IQGAP2: variants seen among roughly 807,000 people sequenced by gnomAD.
The protein encoded by IQGAP2 is ras GTPase-activating-like protein IQGAP2.
In IQGAP2, 173 loss-of-function variants were observed where a neutral mutation model predicts 201.3. That is an observed-to-expected ratio of 0.86 (90% confidence interval 0.76 to 0.98). The LOEUF is 0.98. Among genes scored for constraint, IQGAP2 ranks in the 50% least tolerant of loss-of-function variants. IQGAP2 has a pLI of 0.00. For synonymous variants in IQGAP2, 675 were observed against 673.9 expected, an observed-to-expected ratio of 1.00 and a Z score of -0.03; for missense variants, 1,687 against 1,864.8, an observed-to-expected ratio of 0.90 and a Z score of 1.76.
intron 3 of IQGAP2, among the ~76,000 whole-genome samples, chr5:76,567,166 C>T (rs1464512546): frequency 6.6e-6 from 1 of 152,190 alleles, no homozygotes; most frequent in East Asian, 1.9e-4. Context: ...TCTAGCTTCG[C>T]CATTAACTTT....
At chr5:76,633,858 G>C (rs1750900861) in intron 15 of IQGAP2, among the ~76,000 whole-genome samples, 1 of 152,084 alleles carries the variant, frequency 6.6e-6, no homozygotes, top group Non-Finnish European at 1.5e-5. Flanking sequence ...GCATTAGTCA[G>C]TTCGTCCTTT....
rs34251090 is a variant in IQGAP2 at position 76,626,270 on chromosome 5, C to CTTTTTTTTTTTTTTTTTTTT, written c.1522-1121_1522-1120insTTTTTTTTTTTTTTTTTTTT. ...TTCTTTTTCTTTTTTTTCTTCTTTTCTTTTTTTTTTTTTTTTTTTGTGAGA... is the reference window on the plus strand; with the variant it reads ...TTCTTTTTCTTTTTTTTCTTCTTTTCTTTTTTTTTTTTTTTTTTTTTTTTTTTTTTTTTTTTTTTGTGAGA... On this transcript the variant is annotated intron_variant, in intron 13 of 35. Transcript: ENST00000274364. 7.2e-3 allele frequency among the ~76,000 whole-genome samples: 604 copies of CTTTTTTTTTTTTTTTTTTTT among 83,640 alleles called. 10 individuals are homozygous for CTTTTTTTTTTTTTTTTTTTT. The highest frequency in any genetic ancestry group is 7.8e-3 in the Non-Finnish European group (373 of 47,980). The allele number at this position is 83,640 out of a possible 152,430, so 54.9% of individuals were successfully genotyped here.
chr5:76,552,591 C>G (rs1361858687), intron 2 of IQGAP2, among the ~76,000 whole-genome samples: 1 of 152,210 alleles, frequency 6.6e-6, no homozygotes, highest in Non-Finnish European at 1.5e-5. Flanking sequence ...CTACCTTCCA[C>G]AAAACACAAA....
intron 2 of IQGAP2, among the ~76,000 whole-genome samples, chr5:76,490,356 A>G (rs949902411): frequency 6.6e-6 from 1 of 152,190 alleles, no homozygotes; most frequent in Non-Finnish European, 1.5e-5. Flanking sequence ...GGATAACTTC[A>G]TATCTGGATT....
chr5:76,462,057 C>T (rs1754488140), intron 2 of IQGAP2, among the ~76,000 whole-genome samples: 1 of 152,156 alleles, frequency 6.6e-6, no homozygotes, highest in Non-Finnish European at 1.5e-5. Flanking sequence ...AAGTTGATGC[C>T]ACAGCCAAAG....
At chr5:76,588,254 T>C (rs1399521688) in intron 5 of IQGAP2, among the ~76,000 whole-genome samples, 1 of 152,190 alleles carries the variant, frequency 6.6e-6, no homozygotes, top group Non-Finnish European at 1.5e-5. Context: ...ACATATATTT[T>C]TTATAGAATT....
chr5:76,671,384 T>C (rs1744304354), intron 23 of IQGAP2, among the ~76,000 whole-genome samples: 1 of 151,972 alleles, frequency 6.6e-6, no homozygotes, highest in African/African-American at 2.4e-5. Flanking sequence ...GAGAATACAT[T>C]GTTTAAAACT....
At chr5:76,576,107 C>T (rs1434874425) in intron 5 of IQGAP2, among the ~76,000 whole-genome samples, 1 of 152,066 alleles carries the variant, frequency 6.6e-6, no homozygotes, top group African/African-American at 2.4e-5. Context: ...ACCTAGTTTA[C>T]AAATATAATG....
intron 2 of IQGAP2, among the ~76,000 whole-genome samples, chr5:76,549,629 G>C (rs1194866215): frequency 6.6e-6 from 1 of 152,070 alleles, no homozygotes; most frequent in African/African-American, 2.4e-5. Context: ...TTTGGAGGCT[G>C]GAAATCCAAG....
At chr5:76,517,011 G>C (rs1029793032) in intron 2 of IQGAP2, among the ~76,000 whole-genome samples, 1 of 152,134 alleles carries the variant, frequency 6.6e-6, no homozygotes, top group Admixed American at 6.6e-5. Flanking sequence ...TTCCAAAGCA[G>C]CTGAAGGTAG....
intron 3 of IQGAP2, among the ~76,000 whole-genome samples, chr5:76,567,830 T>G (rs529161832): frequency 6.6e-6 from 1 of 151,486 alleles, no homozygotes; most frequent in Admixed American, 6.5e-5. Context: ...TAATTCCTCA[T>G]CTATGCAGTT....
intron 1 of IQGAP2, among the ~76,000 whole-genome samples, chr5:76,436,668 C>G (rs1178461839): frequency 6.7e-6 from 1 of 148,478 alleles, no homozygotes; most frequent in East Asian, 2.0e-4. Context: ...GTAGCTAGGA[C>G]TACAGGTGTG....
At chr5:76,613,968 C>G (rs916498677) in intron 13 of IQGAP2, among the ~76,000 whole-genome samples, 1 of 152,202 alleles carries the variant, frequency 6.6e-6, no homozygotes, top group South Asian at 2.1e-4. Flanking sequence ...GCTGGGATTA[C>G]AGGCATGAGC....
At chr5:76,643,735 A>C (rs1339795358) in intron 17 of IQGAP2, among the ~76,000 whole-genome samples, 1 of 152,186 alleles carries the variant, frequency 6.6e-6, no homozygotes, top group Non-Finnish European at 1.5e-5. Flanking sequence ...CCTGAGAATT[A>C]ATGAATTATT....
chr5:76,423,490 G>A (rs1185293635), intron 1 of IQGAP2, among the ~76,000 whole-genome samples: 2 of 152,150 alleles, frequency 1.3e-5, no homozygotes, highest in Non-Finnish European at 2.9e-5. Flanking sequence ...GCACAGTGGC[G>A]GGAGCCTGTA....
At chr5:76,572,267 G>A (rs181662543) in intron 4 of IQGAP2, among the ~76,000 whole-genome samples, 1 of 148,438 alleles carries the variant, frequency 6.7e-6, no homozygotes, top group Admixed American at 6.8e-5. Context: ...AAGCTCGGGT[G>A]CATTGGCACA....
intron 26 of IQGAP2, 78 bp from the exon 27 acceptor site, chr5:76,674,399 T>G: frequency 1.3e-6 from 1 of 797,868 alleles, no homozygotes. Context: ...AGAATATATA[T>G]CTTTAAAAAA....
chr5:76,693,743 A>C, intron 31 of IQGAP2: 2 of 214,994 alleles, frequency 9.3e-6, no homozygotes, highest in Non-Finnish European at 9.3e-6. Context: ...CAAATAAGTC[A>C]GTTGAGAGAG....
At chr5:76,687,229 C>A (rs893854603) in intron 30 of IQGAP2, among the ~76,000 whole-genome samples, 48 of 152,316 alleles carry the variant, frequency 3.2e-4, no homozygotes, top group African/African-American at 1.1e-3. Context: ...ACTGTGAGAT[C>A]TTACTGTTGG....
Sources: gnomAD v4.1 joint callset for allele counts (sites outside exome capture counted in the v4.1 genomes callset) on GRCh38, gnomAD v4.1.1 for gene constraint, MANE v1.5 for transcripts, NCBI Gene and HGNC (gene_info 2026-07-23, HGNC 2026-07-21) for gene names.